The following PTPRU variants were observed in gnomAD, a reference collection of about 807,000 sequenced individuals.
PTPRU encodes receptor-type tyrosine-protein phosphatase U.
A neutral mutation model predicts 166.3 loss-of-function variants in PTPRU; 69 were observed. The ratio of observed to expected loss-of-function variants is 0.41; its 90% CI spans 0.34 to 0.51. The LOEUF (loss-of-function observed/expected upper bound fraction) is 0.51. Ranked by LOEUF, PTPRU falls within the 20% of genes least tolerant of loss-of-function variation. PTPRU has a pLI of 0.09. For missense variants in PTPRU, 1,657 were observed against 2,013.7 expected, an observed-to-expected ratio of 0.82 and a Z score of 3.39; for synonymous variants, 793 against 814.0, an observed-to-expected ratio of 0.97 and a Z score of 0.44.
At chr1:29,314,483 G>A (rs1687807461) in intron 22 of PTPRU, among the ~76,000 whole-genome samples, 2 of 152,170 alleles carry the variant, frequency 1.3e-5, no homozygotes, top group Admixed American at 1.3e-4. Context: ...GCACAACCTT[G>A]CGTGAGGACA....
chr1:29,256,402 C>T (rs1021138338), intron 2 of PTPRU, among the ~76,000 whole-genome samples: 4 of 152,242 alleles, frequency 2.6e-5, no homozygotes, highest in African/African-American at 9.6e-5. Context: ...CTGAAGCCCA[C>T]TCCCTTTGCC....
At chr1:29,264,187 G>A (rs925059677) in intron 7 of PTPRU, among the ~76,000 whole-genome samples, 3 of 150,404 alleles carry the variant, frequency 2.0e-5, no homozygotes, top group Non-Finnish European at 3.0e-5. Flanking sequence ...AAAAAAAAAG[G>A]AGTATTTATA....
intron 15 of PTPRU, among the ~76,000 whole-genome samples, chr1:29,296,951 G>A (rs545627671): frequency 5.3e-5 from 8 of 150,116 alleles, no homozygotes; most frequent in Non-Finnish European, 1.2e-4. Context: ...TTTTATTTAT[G>A]TTTTTAAACT....
At position 29,260,738 on chromosome 1, in the gene PTPRU, G is replaced by T. The variant is rs776361366; in HGVS notation, c.979G>T (p.Ala327Ser). 7.4e-6 allele frequency: 12 copies of T among 1,610,816 alleles called. No individual in the cohort carries two copies. The highest frequency in any genetic ancestry group is 1.0e-5 in the Non-Finnish European group (12 of 1,178,568). The change falls in exon 7 of 30, where the codon GCG becomes TCG. Residue 327 changes from alanine (A) to serine (S), a missense_variant. By Grantham distance (99) the Ala-to-Ser change is moderately conservative. Transcript: ENST00000373779. The surrounding 1 kb of genome is among the most constrained non-coding windows in gnomAD (Gnocchi z 8.3). ...IVRKEIEYRM[A>S]RGPWAEVHAV... ...GCGCAAGGAGATTGAGTACCGCATGGCGCGCGGGCCCTGGGCTGAGGTGCA... is the reference window on the plus strand; with the variant it reads ...GCGCAAGGAGATTGAGTACCGCATGTCGCGCGGGCCCTGGGCTGAGGTGCA...
chr1:29,294,991 A>G (rs950110056), intron 15 of PTPRU, among the ~76,000 whole-genome samples: 2 of 152,164 alleles, frequency 1.3e-5, no homozygotes, highest in African/African-American at 4.8e-5. Context: ...AAGCTGTGCC[A>G]ACTTTGTGCT....
Position 29,311,113 on chromosome 1 carries a change from G to A in PTPRU, c.2857+333G>A, listed in dbSNP as rs955767369. On this transcript the variant is annotated intron_variant, in intron 19 of 29. Transcript: ENST00000373779. This position sits in a 1 kb window ranked among gnomAD's most constrained non-coding sequence, Gnocchi z 4.1. ...CTCATGGGTGTGGGTTGGGCCTCTC[G>A]GTCTGGTGGCTGCCTGGATTCTTCT... 4.6e-5 allele frequency among the ~76,000 whole-genome samples: 7 copies of A among 152,164 alleles called. No homozygotes were observed. Among genetic ancestry groups the A allele is most frequent in the East Asian group, 1.9e-4 (1 of 5,192 alleles).
intron 17 of PTPRU, 141 bp from the exon 18 acceptor site, chr1:29,305,211 A>T: frequency 1.3e-6 from 1 of 757,152 alleles, no homozygotes; most frequent in South Asian, 1.7e-5. Context: ...TGGTGCCCAG[A>T]GACTACTGGT....
intron 15 of PTPRU, among the ~76,000 whole-genome samples, chr1:29,298,011 A>G (rs1402622229): frequency 6.6e-6 from 1 of 152,130 alleles, no homozygotes; most frequent in Non-Finnish European, 1.5e-5. Context: ...TAATCCCAGC[A>G]CTTGAGGAGG....
intron 18 of PTPRU, among the ~76,000 whole-genome samples, chr1:29,310,504 T>C (rs1687601576): frequency 6.6e-6 from 1 of 152,132 alleles, no homozygotes; most frequent in African/African-American, 2.4e-5. Flanking sequence ...ATGTCCTCCC[T>C]GGGGTTGCAC....
intron 21 of PTPRU, 37 bp from the exon 22 acceptor site, chr1:29,312,515 C>A: frequency 1.9e-6 from 3 of 1,546,976 alleles, no homozygotes; most frequent in Non-Finnish European, 2.6e-6. Context: ...ACAGATGCTG[C>A]CAGGGACTCT....
At chr1:29,273,228 G>C (rs1178839216) in intron 7 of PTPRU, among the ~76,000 whole-genome samples, 1 of 152,146 alleles carries the variant, frequency 6.6e-6, no homozygotes, top group East Asian at 1.9e-4. Context: ...GCTGAGTCCT[G>C]GGCTCCATCT....
intron 17 of PTPRU, 45 bp downstream of exon 17, chr1:29,304,894 G>A (rs755174674): frequency 3.3e-6 from 5 of 1,528,740 alleles, no homozygotes; most frequent in African/African-American, 2.7e-5. Flanking sequence ...GTGGGTGGGA[G>A]GGCATCAGGA....
chr1:29,325,482 C>G (rs1042822874), intron 29 of PTPRU, 117 bp from the exon 30 acceptor site: 2 of 1,507,834 alleles, frequency 1.3e-6, no homozygotes, highest in Non-Finnish European at 1.8e-6. Flanking sequence ...TCCCTTCTCC[C>G]CGAGGGCGGG....
chr1:29,260,002 C>T lies in PTPRU; in HGVS notation c.808C>T (p.Arg270Cys). Residue 270 changes from arginine to cysteine, a missense_variant, in exon 6 of 30, where the codon CGC becomes TGC. Coordinates refer to ENST00000373779, the MANE Select transcript of PTPRU (RefSeq NM_133178.4). The surrounding 1 kb of genome is among the most constrained non-coding windows in gnomAD (Gnocchi z 8.3). ...DLYRCVSQAP[R>C]GAGVSNFAEL... Reference sequence around the variant, plus strand: ...GTACCGCTGTGTGTCCCAGGCCCCGCGCGGCGCGGGCGTCTCTAACTTCGC... The same window carrying T: ...GTACCGCTGTGTGTCCCAGGCCCCGTGCGGCGCGGGCGTCTCTAACTTCGC... The T allele has an allele frequency of 6.7e-7, 1 of 1,497,186 alleles. No homozygotes were observed. 92.7% of individuals were successfully genotyped at this position (1,497,186 alleles called of 1,614,324 possible). A position where few individuals can be genotyped will look rare whatever the true frequency, so the allele number is the denominator to read the frequency against.
In PTPRU at chr1:29,325,331, G is replaced by GTCAC. The variant is rs571572144; in HGVS notation, c.4248+5_4248+6insTCAC. Reference sequence around the variant, plus strand: ...CCCAACATGGTGGAGACCATGGTGAGGGGCTGTGTCCCGTGCCCAGCCACT... The same window carrying GTCAC: ...CCCAACATGGTGGAGACCATGGTGAGTCACGGGCTGTGTCCCGTGCCCAGCCACT... On this transcript the variant is annotated splice_donor_region_variant and intron_variant, in intron 29 of 29. Coordinates refer to ENST00000373779, the MANE Select transcript of PTPRU (RefSeq NM_133178.4). The GTCAC allele has an allele frequency of 4.8e-4, 768 of 1,614,166 alleles. No homozygotes were observed. Among genetic ancestry groups the GTCAC allele is most frequent in the Admixed American group, 9.2e-4 (55 of 60,032 alleles).
chr1:29,267,575 G>T (rs946912195), intron 7 of PTPRU, among the ~76,000 whole-genome samples: 1 of 152,182 alleles, frequency 6.6e-6, no homozygotes, highest in South Asian at 2.1e-4. Context: ...CAGCACAAAG[G>T]CCTGGAGGCT....
Position 29,311,688 on chromosome 1 carries a change from G to A in PTPRU, c.3001G>A (p.Asp1001Asn). 2 of 1,614,240 alleles carry A rather than the reference G, an allele frequency of 1.2e-6. No homozygotes were observed. Among genetic ancestry groups the A allele is most frequent in the South Asian group, 2.2e-5 (2 of 91,078 alleles). Residue 1001 changes from aspartate to asparagine, a missense_variant, in exon 21 of 30, where the codon GAC (aspartate) becomes AAC (asparagine). Transcript: ENST00000373779. This position sits in a 1 kb window ranked among gnomAD's most constrained non-coding sequence, Gnocchi z 4.1. Reference sequence around the variant, plus strand: ...GCCGGAGGACTCAGACACCTACGGGGACATCAAGATTATGCTGGTGAAGAC... The same window carrying A: ...GCCGGAGGACTCAGACACCTACGGGAACATCAAGATTATGCTGGTGAAGAC... ...YWPEDSDTYG[D>N]IKIMLVKTET...
intron 7 of PTPRU, among the ~76,000 whole-genome samples, chr1:29,272,540 G>A (rs572334698): frequency 6.6e-6 from 1 of 152,310 alleles, no homozygotes; most frequent in East Asian, 1.9e-4. Flanking sequence ...CCCAAGATAG[G>A]AGCAGCCTGG....
At chr1:29,241,134 G>A (rs760560907) in intron 1 of PTPRU, among the ~76,000 whole-genome samples, 4 of 152,176 alleles carry the variant, frequency 2.6e-5, no homozygotes, top group Non-Finnish European at 5.9e-5. Flanking sequence ...TGAGTTTGGA[G>A]TAGGGAGGTA....
Sources: allele counts gnomAD v4.1 joint callset (sites outside exome capture counted in the v4.1 genomes callset), GRCh38; gene constraint gnomAD v4.1.1; non-coding constraint Gnocchi (gnomAD v3.1); transcripts MANE v1.5; gene names NCBI Gene and HGNC (gene_info 2026-07-23, HGNC 2026-07-21).